The following PABPC4L variants were observed in gnomAD, a reference collection of about 807,000 sequenced individuals.
The protein encoded by PABPC4L is polyadenylate-binding protein 4-like.
For synonymous variants in PABPC4L, 169 were observed against 164.1 expected (o/e 1.03, Z -0.23); for missense variants, 452 against 451.4 (o/e 1.00, Z -0.01).
At chr4:134,036,991 G>A in the PABPC4L span, among the ~76,000 whole-genome samples, 1 of 151,618 alleles carries the variant, frequency 6.6e-6, no homozygotes, top group African/African-American at 2.4e-5. Flanking sequence ...AGGAGGTGGA[G>A]GTTTTAGTGA....
chr4:133,994,796 G>A, the PABPC4L span, among the ~76,000 whole-genome samples: 2 of 152,086 alleles, frequency 1.3e-5, no homozygotes, highest in Non-Finnish European at 2.9e-5. Context: ...GATCCAGGTA[G>A]AAGAATATGC....
chr4:134,161,235 A>G, the PABPC4L span, among the ~76,000 whole-genome samples: 1 of 151,914 alleles, frequency 6.6e-6, no homozygotes, highest in African/African-American at 2.4e-5. Context: ...ATGGAAATAC[A>G]CAGTCAGAGA....
chr4:133,972,619 A>G, the PABPC4L span, among the ~76,000 whole-genome samples: 1 of 152,210 alleles, frequency 6.6e-6, no homozygotes, highest in Non-Finnish European at 1.5e-5. Flanking sequence ...AACCTCAATT[A>G]GTAATTTGAT....
the PABPC4L span, among the ~76,000 whole-genome samples, chr4:134,085,878 C>T: frequency 0.014 from 2,142 of 152,148 alleles, 44 homozygotes; most frequent in African/African-American, 0.048. Flanking sequence ...ACGTACATTT[C>T]TTTTGGTGCA....
At chr4:133,988,760 C>T in the PABPC4L span, among the ~76,000 whole-genome samples, 1 of 152,194 alleles carries the variant, frequency 6.6e-6, no homozygotes, top group Admixed American at 6.5e-5. Context: ...AGTTGGGACC[C>T]TGTGTGGGTG....
chr4:134,160,079 A>T, the PABPC4L span, among the ~76,000 whole-genome samples: 1 of 152,136 alleles, frequency 6.6e-6, no homozygotes, highest in South Asian at 2.1e-4. Flanking sequence ...CCTGCTGCTT[A>T]AAGTGATCCA....
the PABPC4L span, among the ~76,000 whole-genome samples, chr4:133,993,484 AATTAAGTGAGAATTGGT>A: frequency 6.6e-6 from 1 of 152,198 alleles, no homozygotes; most frequent in Non-Finnish European, 1.5e-5. Context: ...CATAAGCACT[AATTAAGTGAGAATTGGT>A]ATCAACAGAT....
At chr4:134,095,855 T>C in the PABPC4L span, among the ~76,000 whole-genome samples, 2 of 151,978 alleles carry the variant, frequency 1.3e-5, no homozygotes, top group African/African-American at 4.8e-5. Flanking sequence ...TCAAACTTCA[T>C]GCAGGACTTT....
chr4:134,098,872 T>G, the PABPC4L span, among the ~76,000 whole-genome samples: 1 of 151,746 alleles, frequency 6.6e-6, no homozygotes, highest in Non-Finnish European at 1.5e-5. Flanking sequence ...GAAGGAATAG[T>G]AAGTCAAATA....
At chr4:134,106,780 G>T in the PABPC4L span, among the ~76,000 whole-genome samples, 1 of 151,370 alleles carries the variant, frequency 6.6e-6, no homozygotes, top group Non-Finnish European at 1.5e-5. Context: ...TTTCCAGTCT[G>T]ATTCTTTCTG....
At chr4:134,115,907 A>C in the PABPC4L span, among the ~76,000 whole-genome samples, 1 of 151,960 alleles carries the variant, frequency 6.6e-6, no homozygotes, top group East Asian at 1.9e-4. Flanking sequence ...TGGTGTTTTT[A>C]TAGAATTAAG....
the PABPC4L span, among the ~76,000 whole-genome samples, chr4:134,167,700 T>C: frequency 1.3e-5 from 2 of 151,658 alleles, no homozygotes; most frequent in African/African-American, 2.4e-5. Flanking sequence ...AGAAAAATAA[T>C]TATATAATAA....
At chr4:134,007,941 T>C in the PABPC4L span, among the ~76,000 whole-genome samples, 2 of 151,732 alleles carry the variant, frequency 1.3e-5, no homozygotes, top group Non-Finnish European at 1.5e-5. Flanking sequence ...AAATAGTAAA[T>C]CTCAGAAACT....
At chr4:134,186,198 T>C in the PABPC4L span, among the ~76,000 whole-genome samples, 1 of 152,100 alleles carries the variant, frequency 6.6e-6, no homozygotes, top group African/African-American at 2.4e-5. Context: ...TTAAAGTTCA[T>C]ATGGAACCAA....
the PABPC4L span, among the ~76,000 whole-genome samples, chr4:134,171,709 G>T: frequency 6.6e-6 from 1 of 152,096 alleles, no homozygotes; most frequent in African/African-American, 2.4e-5. Context: ...TAAATAGGAG[G>T]AGAGGAAGTA....
At chr4:134,133,022 T>C in the PABPC4L span, among the ~76,000 whole-genome samples, 1 of 98,776 alleles carries the variant, frequency 1.0e-5, no homozygotes, top group Non-Finnish European at 1.7e-5. Flanking sequence ...TAGTATATAC[T>C]ATATATAATA....
chr4:134,096,489 G>GT, the PABPC4L span, among the ~76,000 whole-genome samples: 1 of 151,970 alleles, frequency 6.6e-6, no homozygotes, highest in African/African-American at 2.4e-5. Context: ...AAGCCTACAA[G>GT]TTTTTTGTAC....
the PABPC4L span, among the ~76,000 whole-genome samples, chr4:134,156,552 T>C: frequency 6.6e-6 from 1 of 151,890 alleles, no homozygotes; most frequent in African/African-American, 2.4e-5. Context: ...TTCAATAGAT[T>C]CTGGAAAGAG....
chr4:134,044,382 G>T, the PABPC4L span, among the ~76,000 whole-genome samples: 8 of 152,230 alleles, frequency 5.3e-5, no homozygotes, highest in African/African-American at 1.9e-4. Context: ...TCCTGCCTCA[G>T]CCTCCTGAGT....
Sources: gnomAD v4.1 joint callset for allele counts (sites outside exome capture counted in the v4.1 genomes callset) on GRCh38, gnomAD v4.1.1 for gene constraint, MANE v1.5 for transcripts, NCBI Gene and HGNC (gene_info 2026-07-23, HGNC 2026-07-21) for gene names.